Variants in OR2M2 observed in about 807,000 individuals in gnomAD.
OR2M2 encodes the protein olfactory receptor 2M2.
For missense variants in OR2M2, 467 were observed against 429.9 expected (o/e 1.09, Z -0.76); for synonymous variants, 168 against 151.7 (o/e 1.11, Z -0.79).
At chr1:248,177,268 T>G (rs1454832447) in intron 1 of OR2M2, among the ~76,000 whole-genome samples, 2 of 152,114 alleles carry the variant, frequency 1.3e-5, no homozygotes, top group Non-Finnish European at 2.9e-5. Context: ...CAGTAGAGTT[T>G]AAAACATATG....
intron 1 of OR2M2, among the ~76,000 whole-genome samples, chr1:248,178,929 TTGTG>T (rs1442321664): frequency 1.3e-5 from 2 of 152,180 alleles, no homozygotes; most frequent in African/African-American, 4.8e-5. Flanking sequence ...AGAGGAGATA[TTGTG>T]TGTATTAGTT....
At chr1:248,178,778 C>G (rs1334937275) in intron 1 of OR2M2, among the ~76,000 whole-genome samples, 3 of 152,168 alleles carry the variant, frequency 2.0e-5, no homozygotes, top group African/African-American at 7.2e-5. Context: ...CTCACTATGA[C>G]CTGTATGAAC....
chr1:248,176,108 C>T (rs1431094751), intron 1 of OR2M2, among the ~76,000 whole-genome samples: 1 of 152,074 alleles, frequency 6.6e-6, no homozygotes, highest in Non-Finnish European at 1.5e-5. Flanking sequence ...TTAGCAACCT[C>T]AGTGGATTAC....
Position 248,180,273 on chromosome 1 carries a change from T to C in OR2M2, c.288T>C (p.Gly96=). 6.2e-7 allele frequency: 1 copy of C among 1,613,906 alleles called. No homozygotes were observed. The highest frequency in any genetic ancestry group is 8.5e-7 in the Non-Finnish European group (1 of 1,179,934). Reference sequence around the variant, plus strand: ...GCAGCAAGTCCATTTCTATGGCTGGTTGTGTCACACAAATTTTCTTCTATA... The same window carrying C: ...GCAGCAAGTCCATTTCTATGGCTGGCTGTGTCACACAAATTTTCTTCTATA... ...LSGSKSISMA[G]CVTQIFFYIS... is the part of the protein sequence containing the mutation. The change falls in exon 2 of 2, where the codon GGT becomes GGC. Residue 96 remains glycine, a synonymous_variant. Transcript: ENST00000641836.
Position 248,180,693 on chromosome 1 carries a change from A to T in OR2M2, c.708A>T (p.Lys236Asn). Residue 236 changes from lysine (K) to asparagine (N), a missense_variant, in exon 2 of 2, where the codon AAA (lysine) becomes AAT (asparagine). Physicochemically the swap from Lys to Asn is moderately conservative, Grantham distance 94 (BLOSUM62 0). Coordinates refer to ENST00000641836, the MANE Select transcript of OR2M2 (RefSeq NM_001004688.2). ...IHMGSGEGRCKAFTTCSSHLM... is the reference protein window; with the variant it reads ...IHMGSGEGRCNAFTTCSSHLM... ...TGGGATCTGGAGAGGGTCGTTGCAA[A>T]GCTTTCACGACCTGTTCCTCTCACC... is the stretch of plus-strand genomic sequence containing the variant. 1 of 1,612,706 alleles carries T rather than the reference A, an allele frequency of 6.2e-7. No homozygotes were observed. The highest frequency in any genetic ancestry group is 8.5e-7 in the Non-Finnish European group (1 of 1,179,846).
chr1:248,175,208 T>C (rs1451906543), intron 1 of OR2M2, among the ~76,000 whole-genome samples: 3 of 152,106 alleles, frequency 2.0e-5, no homozygotes, highest in Non-Finnish European at 2.9e-5. Flanking sequence ...ACCAAATGAT[T>C]TGAACATTTT....
intron 1 of OR2M2, 85 bp from the exon 2 acceptor site, chr1:248,179,883 A>C: frequency 7.9e-7 from 1 of 1,261,774 alleles, no homozygotes; most frequent in Non-Finnish European, 1.1e-6. Flanking sequence ...TTGATCACCC[A>C]ACTACAGAAT....
At chr1:248,178,011 C>T (rs1345795206) in intron 1 of OR2M2, 3 of 152,044 alleles carry the variant, frequency 2.0e-5, no homozygotes, top group African/African-American at 7.2e-5. Flanking sequence ...TTAGTATTTC[C>T]ACATAACAGC....
chr1:248,180,562 T>A lies in OR2M2; in HGVS notation c.577T>A (p.Ser193Thr), dbSNP rs1347074200. ...ACTAATCCTCTCATGCAATGACACA[T>A]CAATATTTGAAGAGGTTATTTTCAT... ...SLLILSCNDT[S>T]IFEEVIFICC... The change falls in exon 2 of 2, where the codon TCA becomes ACA. Residue 193 changes from serine to threonine, a missense_variant. Ser to Thr is a moderately conservative substitution (Grantham distance 58). Transcript: ENST00000641836. The A allele has an allele frequency of 6.2e-7, 1 of 1,613,884 alleles. No homozygotes were observed. The highest frequency in any genetic ancestry group is 8.5e-7 in the Non-Finnish European group (1 of 1,179,850).
rs760324022 is a variant in OR2M2 at position 248,180,411 on chromosome 1, A to G, written c.426A>G (p.Gly142=). The G allele has an allele frequency of 2.5e-6, 4 of 1,613,904 alleles. No homozygotes were observed. In the East Asian group the frequency reaches 8.9e-5, roughly 36 times the overall value. The change falls in exon 2 of 2, where the codon GGA becomes GGG. Residue 142 remains glycine, a synonymous_variant. Transcript: ENST00000641836. ...YTNLMNPKIC[G]LMATFSWILG... ...ATCTCATGAATCCTAAAATTTGTGGACTTATGGCTACCTTCTCCTGGATCC... is the reference window on the plus strand; with the variant it reads ...ATCTCATGAATCCTAAAATTTGTGGGCTTATGGCTACCTTCTCCTGGATCC...
At chr1:248,179,140 T>A (rs1665888385) in intron 1 of OR2M2, among the ~76,000 whole-genome samples, 1 of 152,142 alleles carries the variant, frequency 6.6e-6, no homozygotes, top group Non-Finnish European at 1.5e-5. Context: ...TGGCATTTCT[T>A]GGTTTGTAGA....
Position 248,180,926 on chromosome 1 carries a change from T to A in OR2M2, c.941T>A (p.Leu314Ter), listed in dbSNP as rs774827447. The A allele has an allele frequency of 1.2e-6, 2 of 1,614,124 alleles. No homozygotes were observed. Among genetic ancestry groups the A allele is most frequent in the Middle Eastern group, 1.7e-4 (1 of 6,060 alleles). ...GGAAAGGGCAAGTCTGAGAGTGAGT[T>A]ACCTCATAAACTTTATGTTTTGCTG... is the stretch of plus-strand genomic sequence containing the variant. ...ILGKGKSESE[L>*]PHKLYVLLFA... Residue 314 changes from leucine (L) to a stop codon, truncating the protein, a stop_gained, in exon 2 of 2, where the codon TTA (leucine) becomes TAA (stop). Transcript: ENST00000641836. LOFTEE classifies it low-confidence loss of function (END_TRUNC).
intron 1 of OR2M2, among the ~76,000 whole-genome samples, chr1:248,175,509 A>G (rs1035785535): frequency 6.6e-6 from 1 of 152,168 alleles, no homozygotes; most frequent in African/African-American, 2.4e-5. Flanking sequence ...ATCATTATCT[A>G]CATGCAGATA....
intron 1 of OR2M2, among the ~76,000 whole-genome samples, chr1:248,175,157 T>C (rs1298298751): frequency 6.6e-6 from 1 of 152,130 alleles, no homozygotes; most frequent in Non-Finnish European, 1.5e-5. Context: ...TGATAGTGAA[T>C]AGGTGTCAGA....
intron 1 of OR2M2, among the ~76,000 whole-genome samples, chr1:248,176,578 C>G (rs1431790682): frequency 6.6e-6 from 1 of 151,910 alleles, no homozygotes; most frequent in Non-Finnish European, 1.5e-5. Context: ...AAATAAAAAA[C>G]AAGATGTCAT....
In OR2M2 at chr1:248,180,407, G is replaced by T; in HGVS notation, c.422G>T (p.Cys141Phe). 1 of 1,613,988 alleles carries T rather than the reference G, an allele frequency of 6.2e-7. No individual in the cohort carries two copies. The highest frequency in any genetic ancestry group is 1.7e-5 in the Admixed American group (1 of 60,002). ...ACCAATCTCATGAATCCTAAAATTT[G>T]TGGACTTATGGCTACCTTCTCCTGG... ...RYTNLMNPKI[C>F]GLMATFSWIL... Residue 141 changes from cysteine (C) to phenylalanine (F), a missense_variant, in exon 2 of 2, where the codon TGT becomes TTT. By Grantham distance (205) the Cys-to-Phe change is radical. Transcript: ENST00000641836.
intron 1 of OR2M2, among the ~76,000 whole-genome samples, chr1:248,175,514 C>G (rs1013264914): frequency 1.2e-4 from 18 of 152,076 alleles, no homozygotes; most frequent in African/African-American, 4.3e-4. Flanking sequence ...TATCTACATG[C>G]AGATATTCCA....
chr1:248,180,062 T>C lies in OR2M2; in HGVS notation c.77T>C (p.Phe26Ser). ...GIFNHSPPHT[F>S]LFFLVLGIFL... ...TTCAATCACAGCCCACCACACACGT[T>C]CCTCTTCTTTCTGGTCCTGGGCATC... Residue 26 changes from phenylalanine to serine, a missense_variant, in exon 2 of 2, where the codon TTC becomes TCC. By Grantham distance (155) the Phe-to-Ser change is radical. Coordinates refer to ENST00000641836, the MANE Select transcript of OR2M2 (RefSeq NM_001004688.2). The C allele has an allele frequency of 6.8e-6, 11 of 1,613,960 alleles. No homozygotes were observed. The highest frequency in any genetic ancestry group is 8.5e-6 in the Non-Finnish European group (10 of 1,179,942).
At position 248,180,060 on chromosome 1, in the gene OR2M2, G is replaced by A. The variant is rs145713159; in HGVS notation, c.75G>A (p.Thr25=). ...TCTTCAATCACAGCCCACCACACACGTTCCTCTTCTTTCTGGTCCTGGGCA... is the reference window on the plus strand; with the variant it reads ...TCTTCAATCACAGCCCACCACACACATTCCTCTTCTTTCTGGTCCTGGGCA... The part of the protein sequence containing the change: ...LGIFNHSPPH[T]FLFFLVLGIF... Residue 25 remains threonine, a synonymous_variant, in exon 2 of 2, where the codon ACG becomes ACA. Coordinates refer to ENST00000641836, the MANE Select transcript of OR2M2 (RefSeq NM_001004688.2). 2.6e-3 allele frequency: 4,157 copies of A among 1,613,908 alleles called. 12 individuals carry two copies. Among genetic ancestry groups the A allele is most frequent in the South Asian group, 4.3e-3 (390 of 91,062 alleles).
Sources: allele counts gnomAD v4.1 joint callset (sites outside exome capture counted in the v4.1 genomes callset), GRCh38; gene constraint gnomAD v4.1.1; transcripts MANE v1.5; gene names NCBI Gene and HGNC (gene_info 2026-07-23, HGNC 2026-07-21).